Variants in IGLON5 observed in about 807,000 individuals in gnomAD.
IGLON5 encodes the protein IgLON family member 5.
Under a neutral mutation model 38.2 loss-of-function variants are expected in IGLON5, and 16 were observed. The observed-to-expected ratio is 0.42, with a 90% confidence interval of 0.28 to 0.64. IGLON5 has a LOEUF of 0.64. IGLON5 is among the 30% of genes least tolerant of loss of function. The probability of loss-of-function intolerance (pLI) is 0.23; values close to 1 mark genes in which losing one functional copy is unlikely to be tolerated. For synonymous variants in IGLON5, 207 were observed against 216.4 expected (o/e 0.96, Z 0.38); for missense variants, 366 against 483.4 (o/e 0.76, Z 2.28).
rs1437288467 is a variant in IGLON5 at position 51,325,442 on chromosome 19, C to T, written c.488C>T (p.Thr163Met). The T allele has an allele frequency of 2.4e-5, 39 of 1,613,240 alleles. No homozygotes were observed. The highest frequency in any genetic ancestry group is 6.7e-5 in the East Asian group (3 of 44,874). Residue 163 changes from threonine (T) to methionine (M), a missense_variant, in exon 4 of 8, where the codon ACG becomes ATG. By Grantham distance (81) the Thr-to-Met change is moderately conservative. Coordinates refer to ENST00000270642, the MANE Select transcript of IGLON5 (RefSeq NM_001101372.3). The surrounding 1 kb of genome is among the most constrained non-coding windows in gnomAD (Gnocchi z 5.5). ...LCLAVGRPEP[T>M]VTWRQLRDGF... Reference sequence around the variant, plus strand: ...CTGGCCGTGGGGCGGCCAGAGCCCACGGTCACCTGGAGACAGCTCCGAGGT... The same window carrying T: ...CTGGCCGTGGGGCGGCCAGAGCCCATGGTCACCTGGAGACAGCTCCGAGGT...
intron 1 of IGLON5, 65 bp downstream of exon 1, chr19:51,311,991 G>A (rs958774783): frequency 9.4e-6 from 8 of 850,374 alleles, no homozygotes; most frequent in Admixed American, 4.5e-5. Flanking sequence ...GTAATCGGGG[G>A]ATCAGGGGTG....
chr19:51,311,888 C>G lies in IGLON5; in HGVS notation c.41C>G (p.Ala14Gly). 7.4e-7 allele frequency: 1 copy of G among 1,353,584 alleles called. No homozygotes were observed. Among genetic ancestry groups the G allele is most frequent in the Non-Finnish European group, 9.5e-7 (1 of 1,047,570 alleles). The allele number at this position is 1,353,584 out of a possible 1,614,324, so 83.8% of individuals were successfully genotyped here. A position where few individuals can be genotyped will look rare whatever the true frequency, so the allele number is the denominator to read the frequency against. Residue 14 changes from alanine (A) to glycine (G), a missense_variant, in exon 1 of 8, where the codon GCC becomes GGC. By Grantham distance (60) the Ala-to-Gly change is moderately conservative. Transcript: ENST00000270642. ...CCCGGGGCCCGGCTCCGGCTTCTCG[C>G]CGCCGCCGCCCTGGCCGGCTTGGCC... ...PAPGARLRLLAAAALAGLAVI... is the reference protein window; with the variant it reads ...PAPGARLRLLGAAALAGLAVI...
Position 51,327,423 on chromosome 19 carries a change from G to A in IGLON5, c.767+223G>A, listed in dbSNP as rs1400436052. On this transcript the variant is annotated intron_variant, in intron 6 of 7. Coordinates refer to ENST00000270642, the MANE Select transcript of IGLON5 (RefSeq NM_001101372.3). The surrounding 1 kb of genome is among the most constrained non-coding windows in gnomAD (Gnocchi z 7.1). ...ACCCCGTCTCCCCGGACTTTTCAGG[G>A]AGCTGGCCAGGGGTCGGGGGTCAAT... Among the ~76,000 whole-genome samples the A allele has an allele frequency of 6.6e-6, 1 of 152,178 alleles. No homozygotes were observed. Among genetic ancestry groups the A allele is most frequent in the African/African-American group, 2.4e-5 (1 of 41,444 alleles).
rs546231454 is a variant in IGLON5 at position 51,323,792 on chromosome 19, A to C, written c.289A>C (p.Ile97Leu). 4.3e-6 allele frequency: 7 copies of C among 1,613,846 alleles called. No homozygotes were observed. Among genetic ancestry groups the C allele is most frequent in the Non-Finnish European group, 5.9e-6 (7 of 1,179,860 alleles). ...CATCAACACCCCCGAGGAGTTCTCC[A>C]TCCTCATCACCGAGGTGGGGCTCGG... ...LLINTPEEFS[I>L]LITEVGLGDE... The change falls in exon 3 of 8, where the codon ATC (isoleucine) becomes CTC (leucine). Residue 97 changes from isoleucine to leucine, a missense_variant. Ile to Leu is a conservative substitution (Grantham distance 5). Transcript: ENST00000270642.
rs540836250 is a variant in IGLON5 at position 51,327,284 on chromosome 19, G to A, written c.767+84G>A. On this transcript the variant is annotated intron_variant, in intron 6 of 7. Transcript: ENST00000270642. This position sits in a 1 kb window ranked among gnomAD's most constrained non-coding sequence, Gnocchi z 7.1. ...ATTGTGAGGCAGGGGGACGGAGCGG[G>A]GCGGGGGAAGGCAGCAGAGCTCTGG... 1.3e-4 allele frequency: 202 copies of A among 1,527,002 alleles called. 2 individuals are homozygous for A. In the South Asian group the frequency reaches 2.3e-3, roughly 17 times the overall value. 94.6% of individuals were successfully genotyped at this position (1,527,002 alleles called of 1,614,324 possible).
chr19:51,327,586 G>A lies in IGLON5; in HGVS notation c.768-146G>A. On this transcript the variant is annotated intron_variant, in intron 6 of 7. Coordinates refer to ENST00000270642, the MANE Select transcript of IGLON5 (RefSeq NM_001101372.3). This position sits in a 1 kb window ranked among gnomAD's most constrained non-coding sequence, Gnocchi z 7.1. ...GGGGGCGGCGGTGGGAGTGACCCGAGGTACATGAGGTGCTAGAACCCGAGG... is the reference window on the plus strand; with the variant it reads ...GGGGGCGGCGGTGGGAGTGACCCGAAGTACATGAGGTGCTAGAACCCGAGG... The A allele has an allele frequency of 8.4e-7, 1 of 1,186,348 alleles. No individual in the cohort carries two copies. The highest frequency in any genetic ancestry group is 1.2e-6 in the Non-Finnish European group (1 of 862,166). The allele number at this position is 1,186,348 out of a possible 1,614,324, so 73.5% of individuals were successfully genotyped here. A position where few individuals can be genotyped will look rare whatever the true frequency, so the allele number is the denominator to read the frequency against.
At chr19:51,323,212 G>T (rs1985120791) in intron 2 of IGLON5, among the ~76,000 whole-genome samples, 1 of 139,756 alleles carries the variant, frequency 7.2e-6, no homozygotes, top group Non-Finnish European at 1.5e-5. Context: ...CTCTCTCCGG[G>T]TCTCTGTCCC....
chr19:51,311,855 C>A lies in IGLON5; in HGVS notation c.8C>A (p.Pro3His), dbSNP rs544011313. ...CGCGCCGCCTCTGCCGCGATGCCCC[C>A]CCCTGCGCCCGGGGCCCGGCTCCGG... MP[P>H]PAPGARLRLL... Residue 3 changes from proline (P) to histidine (H), a missense_variant, in exon 1 of 8, where the codon CCC becomes CAC. Coordinates refer to ENST00000270642, the MANE Select transcript of IGLON5 (RefSeq NM_001101372.3). The A allele has an allele frequency of 2.6e-4, 343 of 1,315,916 alleles. 1 individual carries two copies. The East Asian group carries it at 3.0e-3, about 12-fold the overall frequency. The allele number at this position is 1,315,916 out of a possible 1,614,324, so 81.5% of individuals were successfully genotyped here. A position where few individuals can be genotyped will look rare whatever the true frequency, so the allele number is the denominator to read the frequency against.
At chr19:51,323,919 T>G (rs894468376) in intron 3 of IGLON5, 25 bp downstream of exon 3, 2 of 1,548,936 alleles carry the variant, frequency 1.3e-6, no homozygotes, top group Non-Finnish European at 1.8e-6. Context: ...GGGGCCTGGC[T>G]GGGTGGAGGG....
rs35982135 is a variant in IGLON5 at position 51,324,881 on chromosome 19, T to C, written c.392-465T>C. Among the ~76,000 whole-genome samples the C allele has an allele frequency of 0.23, 35,324 of 151,242 alleles. 5,198 individuals carry two copies. Among genetic ancestry groups the C allele is most frequent in the East Asian group, 0.52 (2,628 of 5,080 alleles). ...AGGCTGGTAGTGAGCATCTAATCAG[T>C]GGATTTGGGTAAAGCACTTAGAATA... On this transcript the variant is annotated intron_variant, in intron 3 of 7. Coordinates refer to ENST00000270642, the MANE Select transcript of IGLON5 (RefSeq NM_001101372.3). The surrounding 1 kb of genome is among the most constrained non-coding windows in gnomAD (Gnocchi z 4.2).
At position 51,327,104 on chromosome 19, in the gene IGLON5, C is replaced by T; in HGVS notation, c.671C>T (p.Thr224Ile). ...VNYPPTITDV[T>I]SARTALGRAA... ...GATCCTCCGACCATCACGGACGTGA[C>T]CAGCGCCCGCACCGCGCTGGGCCGG... The change falls in exon 6 of 8, where the codon ACC (threonine) becomes ATC (isoleucine). Residue 224 changes from threonine to isoleucine, a missense_variant. Thr to Ile is a moderately conservative substitution (Grantham distance 89). Transcript: ENST00000270642. This position sits in a 1 kb window ranked among gnomAD's most constrained non-coding sequence, Gnocchi z 7.1. 1 of 1,610,330 alleles carries T rather than the reference C, an allele frequency of 6.2e-7. No homozygotes were observed. The highest frequency in any genetic ancestry group is 8.5e-7 in the Non-Finnish European group (1 of 1,178,566).
At chr19:51,322,024 G>A in intron 1 of IGLON5, 40 bp from the exon 2 acceptor site, 1 of 1,564,962 alleles carries the variant, frequency 6.4e-7, no homozygotes, top group Non-Finnish European at 8.8e-7. Flanking sequence ...CCCGGGCCTT[G>A]CCTGAGCTGC....
At chr19:51,313,616 TCC>T (rs1159934017) in intron 1 of IGLON5, among the ~76,000 whole-genome samples, 35 of 148,804 alleles carry the variant, frequency 2.4e-4, no homozygotes, top group African/African-American at 7.0e-4. Context: ...TTTCTTTCTT[TCC>T]TTCTTTCTCT....
In IGLON5 at chr19:51,327,956, G is replaced by T. The variant is rs796885515; in HGVS notation, c.922+70G>T. 5.5e-4 allele frequency: 781 copies of T among 1,408,252 alleles called. 6 individuals are homozygous for T. In the African/African-American group the frequency reaches 9.9e-3, roughly 18 times the overall value. 87.2% of individuals were successfully genotyped at this position (1,408,252 alleles called of 1,614,324 possible). ...GGGGCGGGGCTAGGGAAGTGGAGAC[G>T]CCGGGACCGCCCTTCAGGCTGGCCC... is the stretch of plus-strand genomic sequence containing the variant. On this transcript the variant is annotated intron_variant, in intron 7 of 7. Coordinates refer to ENST00000270642, the MANE Select transcript of IGLON5 (RefSeq NM_001101372.3). The surrounding 1 kb of genome is among the most constrained non-coding windows in gnomAD (Gnocchi z 7.1).
Position 51,313,610 on chromosome 19 carries a change from TTTCTTTCC to T in IGLON5, c.79+1692_79+1699del, listed in dbSNP as rs1984824683. 2.0e-5 allele frequency among the ~76,000 whole-genome samples: 3 copies of T among 149,418 alleles called. No homozygotes were observed. The South Asian group carries it at 6.3e-4, about 31-fold the overall frequency. On this transcript the variant is annotated intron_variant, in intron 1 of 7. Transcript: ENST00000270642. ...TTCCTTCTTTCTCTTTCCTTCTTTC[TTTCTTTCC>T]TTCTTTCTCTTTTTCTCTCTCTCTC... is the stretch of plus-strand genomic sequence containing the variant.
chr19:51,328,268 G>A (rs1019837574), intron 7 of IGLON5, among the ~76,000 whole-genome samples: 2 of 151,090 alleles, frequency 1.3e-5, no homozygotes, highest in African/African-American at 4.9e-5. Context: ...TTGGGAGGCC[G>A]AGGCGGGCTG....
chr19:51,322,284 C>G, intron 2 of IGLON5, 142 bp downstream of exon 2: 1 of 683,346 alleles, frequency 1.5e-6, no homozygotes, highest in South Asian at 1.7e-5. Context: ...AGTAGCGACA[C>G]AGCTATGAGC....
At position 51,327,083 on chromosome 19, in the gene IGLON5, C is replaced by T; in HGVS notation, c.650C>T (p.Pro217Leu). The T allele has an allele frequency of 6.2e-7, 1 of 1,605,668 alleles. No individual in the cohort carries two copies. The highest frequency in any genetic ancestry group is 8.5e-7 in the Non-Finnish European group (1 of 1,175,008). The change falls in exon 6 of 8, where the codon CCT becomes CTT. Residue 217 changes from proline (P) to leucine (L), a missense_variant. Coordinates refer to ENST00000270642, the MANE Select transcript of IGLON5 (RefSeq NM_001101372.3). This position sits in a 1 kb window ranked among gnomAD's most constrained non-coding sequence, Gnocchi z 7.1. ...GCTGACCCTTGCCCCTCGCCAGATC[C>T]TCCGACCATCACGGACGTGACCAGC... ...SRRVLVTVNY[P>L]PTITDVTSAR...
chr19:51,323,389 C>A (rs1286584870), intron 2 of IGLON5, among the ~76,000 whole-genome samples: 1 of 152,174 alleles, frequency 6.6e-6, no homozygotes, highest in Non-Finnish European at 1.5e-5. Context: ...TTCCTCTCTC[C>A]CAGATTCTCT....
Sources: gnomAD v4.1 joint callset for allele counts (sites outside exome capture counted in the v4.1 genomes callset) on GRCh38, gnomAD v4.1.1 for gene constraint, Gnocchi (gnomAD v3.1) non-coding constraint, MANE v1.5 for transcripts, NCBI Gene and HGNC (gene_info 2026-07-23, HGNC 2026-07-21) for gene names.